The following BRINP3 variants were observed in gnomAD, a reference collection of about 807,000 sequenced individuals.
BRINP3 encodes BMP/retinoic acid-inducible neural-specific protein 3.
In BRINP3, 19 loss-of-function variants were observed where a neutral mutation model predicts 71.0. The ratio of observed to expected loss-of-function variants is 0.27; its 90% CI spans 0.19 to 0.39. The LOEUF is 0.39. BRINP3 is among the 10% of genes least tolerant of loss of function. The pLI is 1.00. For synonymous variants in BRINP3, 380 were observed against 337.7 expected, an observed-to-expected ratio of 1.13 and a Z score of -1.37; for missense variants, 959 against 940.8, an observed-to-expected ratio of 1.02 and a Z score of -0.25.
intron 7 of BRINP3, among the ~76,000 whole-genome samples, chr1:190,122,138 C>T (rs1242425203): frequency 6.6e-6 from 1 of 151,964 alleles, no homozygotes; most frequent in African/African-American, 2.4e-5. Flanking sequence ...ATATTGAATC[C>T]TTCTCTCTTT....
chr1:190,150,266 A>ATG (rs10640861), intron 7 of BRINP3, among the ~76,000 whole-genome samples: 49,745 of 128,024 alleles, frequency 0.39, 8,131 homozygotes, highest in Middle Eastern at 0.48. Flanking sequence ...GTGCATATCT[A>ATG]TGTGTGTGTG....
chr1:190,408,188 A>T (rs543256288), intron 2 of BRINP3, among the ~76,000 whole-genome samples: 2 of 69,776 alleles, frequency 2.9e-5, no homozygotes, highest in South Asian at 6.6e-4. Flanking sequence ...CGCCTGGCTA[A>T]TTATTTATTT....
intron 2 of BRINP3, among the ~76,000 whole-genome samples, chr1:190,426,784 TAGAC>T (rs1171677719): frequency 6.6e-6 from 1 of 151,880 alleles, no homozygotes; most frequent in African/African-American, 2.4e-5. Context: ...AATTAAAAAT[TAGAC>T]AGTTGTGTTA....
intron 2 of BRINP3, among the ~76,000 whole-genome samples, chr1:190,291,805 A>G (rs553446573): frequency 6.6e-6 from 1 of 152,282 alleles, no homozygotes; most frequent in African/African-American, 2.4e-5. Context: ...ACCACTGGGT[A>G]TATATACGTA....
chr1:190,145,708 A>G (rs2102404124), intron 7 of BRINP3, among the ~76,000 whole-genome samples: 1 of 152,312 alleles, frequency 6.6e-6, no homozygotes, highest in Admixed American at 6.5e-5. Flanking sequence ...ATCATATGAA[A>G]AAGACACATG....
intron 6 of BRINP3, among the ~76,000 whole-genome samples, chr1:190,187,221 G>A (rs144593133): frequency 6.6e-6 from 1 of 151,958 alleles, no homozygotes; most frequent in East Asian, 1.9e-4. Flanking sequence ...TTTTAAATTG[G>A]CTAATTTGTT....
intron 2 of BRINP3, among the ~76,000 whole-genome samples, chr1:190,342,034 A>C (rs1571801979): frequency 6.6e-6 from 1 of 150,566 alleles, no homozygotes; most frequent in East Asian, 2.0e-4. Flanking sequence ...TGCAGTTTCT[A>C]GAGTACCCCA....
At chr1:190,242,458 A>G (rs943063447) in intron 4 of BRINP3, among the ~76,000 whole-genome samples, 2 of 152,074 alleles carry the variant, frequency 1.3e-5, no homozygotes, top group African/African-American at 2.4e-5. Flanking sequence ...TTCATCCAGG[A>G]TGACTCACAT....
chr1:190,472,836 C>CTTGGG (rs1677224636), intron 1 of BRINP3, among the ~76,000 whole-genome samples: 1 of 151,458 alleles, frequency 6.6e-6, no homozygotes, highest in African/African-American at 2.4e-5. Flanking sequence ...CACACACACA[C>CTTGGG]ACTTTGAGTC....
chr1:190,340,452 T>C (rs1046616695), intron 2 of BRINP3, among the ~76,000 whole-genome samples: 8 of 151,934 alleles, frequency 5.3e-5, no homozygotes, highest in Non-Finnish European at 2.9e-5. Context: ...TTCCTTCTTA[T>C]TGATTGATTT....
intron 2 of BRINP3, among the ~76,000 whole-genome samples, chr1:190,295,091 C>G (rs141295720): frequency 1.4e-4 from 21 of 152,168 alleles, no homozygotes; most frequent in African/African-American, 5.1e-4. Flanking sequence ...CTTTGACCAG[C>G]ACAGTGTAGG....
intron 2 of BRINP3, among the ~76,000 whole-genome samples, chr1:190,413,699 G>C (rs1303615504): frequency 6.6e-6 from 1 of 152,080 alleles, no homozygotes; most frequent in African/African-American, 2.4e-5. Flanking sequence ...ACAGACTTTA[G>C]ACATGTGGCC....
chr1:190,099,864 T>C (rs920752199), intron 7 of BRINP3, among the ~76,000 whole-genome samples: 2 of 152,052 alleles, frequency 1.3e-5, no homozygotes, highest in Non-Finnish European at 2.9e-5. Flanking sequence ...GTCATTAACA[T>C]TTTTTTTCTC....
intron 2 of BRINP3, among the ~76,000 whole-genome samples, chr1:190,378,500 G>T (rs1052587425): frequency 6.6e-6 from 1 of 152,164 alleles, no homozygotes; most frequent in Admixed American, 6.6e-5. Flanking sequence ...TTGAAACCTA[G>T]AAATAGTGTA....
intron 5 of BRINP3, among the ~76,000 whole-genome samples, chr1:190,231,012 T>C (rs1253189522): frequency 6.6e-6 from 1 of 151,558 alleles, no homozygotes; most frequent in Non-Finnish European, 1.5e-5. Context: ...ATGGTATATA[T>C]GATTTCTTGA....
chr1:190,401,688 T>C (rs1234858159), intron 2 of BRINP3, among the ~76,000 whole-genome samples: 6 of 152,134 alleles, frequency 3.9e-5, no homozygotes, highest in South Asian at 4.1e-4. Flanking sequence ...TGTGAGCCTA[T>C]TTAAGTGAAG....
chr1:190,356,105 C>T (rs1361458681), intron 2 of BRINP3, among the ~76,000 whole-genome samples: 1 of 151,842 alleles, frequency 6.6e-6, no homozygotes, highest in Non-Finnish European at 1.5e-5. Context: ...TTGATTTTCA[C>T]AAACAAAAAT....
intron 6 of BRINP3, among the ~76,000 whole-genome samples, chr1:190,200,857 G>A (rs762292447): frequency 2.6e-4 from 39 of 152,234 alleles, no homozygotes; most frequent in Non-Finnish European, 5.4e-4. Context: ...CCATGATTGT[G>A]AGGCCTCCCA....
At chr1:190,218,798 C>T (rs1421001152) in intron 6 of BRINP3, among the ~76,000 whole-genome samples, 1 of 151,904 alleles carries the variant, frequency 6.6e-6, no homozygotes, top group Non-Finnish European at 1.5e-5. Context: ...GTTTTTAATG[C>T]TCTATTTTGA....
Sources: allele counts gnomAD v4.1 joint callset (sites outside exome capture counted in the v4.1 genomes callset), GRCh38; gene constraint gnomAD v4.1.1; transcripts MANE v1.5; gene names NCBI Gene and HGNC (gene_info 2026-07-23, HGNC 2026-07-21).